MED14: variants seen among roughly 807,000 people sequenced by gnomAD.
MED14 encodes the protein mediator complex subunit 14.
Under a neutral mutation model 109.0 loss-of-function variants are expected in MED14, and 8 were observed. The ratio of observed to expected loss-of-function variants is 0.07; its 90% CI spans 0.04 to 0.13. The LOEUF is 0.13. MED14 is among the 10% of genes least tolerant of loss of function. The probability of loss-of-function intolerance (pLI) is 1.00; values close to 1 mark genes in which losing one functional copy is unlikely to be tolerated. For synonymous variants in MED14, 399 were observed against 408.7 expected (o/e 0.98, Z 0.29); for missense variants, 711 against 1,142.4 (o/e 0.62, Z 5.44).
intron 23 of MED14, among the ~76,000 whole-genome samples, chrX:40,670,492 T>C: frequency 8.9e-6 from 1 of 112,101 alleles, no homozygotes; most frequent in East Asian, 2.8e-4. Flanking sequence ...CCGGGCGCGG[T>C]GGCTCACGCC....
Position 40,681,867 on chromosome X carries a change from G to A in MED14, c.2442C>T (p.Thr814=), listed in dbSNP as rs1401333876. 6 of 1,123,584 alleles carry A rather than the reference G, an allele frequency of 5.3e-6. No individual in the cohort carries two copies. In the African/African-American group the frequency reaches 1.1e-4, roughly 21 times the overall value. 92.6% of individuals were successfully genotyped at this position (1,123,584 alleles called of 1,213,427 possible). A position where few individuals can be genotyped will look rare whatever the true frequency, so the allele number is the denominator to read the frequency against. The change falls in exon 19 of 31, where the codon ACC becomes ACT. Residue 814 remains threonine (T), a synonymous_variant. Coordinates refer to ENST00000324817, the MANE Select transcript of MED14 (RefSeq NM_004229.4). The part of the protein sequence containing the change: ...NYRKLILCYG[T]TKGSSISIQW... ...TCAGACTTACTGAGCTTCCCTTGGTGGTTCCATAACACAAGATAAGTTTTC... is the reference window on the plus strand; with the variant it reads ...TCAGACTTACTGAGCTTCCCTTGGTAGTTCCATAACACAAGATAAGTTTTC...
At chrX:40,658,395 A>T (rs1272009226) in intron 28 of MED14, among the ~76,000 whole-genome samples, 1 of 111,441 alleles carries the variant, frequency 9.0e-6, no homozygotes, top group Non-Finnish European at 1.9e-5. Context: ...CCCGGCCTGC[A>T]CTTCAGTTTT....
rs966057231 is a variant in MED14, at chrX:40,649,799, T to G, written c.*2007A>C. 2.5e-6 allele frequency: 2 copies of G among 808,391 alleles called. No individual in the cohort carries two copies. The highest frequency in any genetic ancestry group is 4.6e-5 in the African/African-American group (2 of 43,597). 66.6% of individuals were successfully genotyped at this position (808,391 alleles called of 1,213,427 possible). A position where few individuals can be genotyped will look rare whatever the true frequency, so the allele number is the denominator to read the frequency against. Reference sequence around the variant, plus strand: ...CCAAGCATAATATAAAAATTCAAATTCATGGGTTTACTCTTAATAAGCATC... The same window carrying G: ...CCAAGCATAATATAAAAATTCAAATGCATGGGTTTACTCTTAATAAGCATC... On this transcript the variant is annotated 3_prime_UTR_variant, in exon 31 of 31. Coordinates refer to ENST00000324817, the MANE Select transcript of MED14 (RefSeq NM_004229.4).
intron 12 of MED14, among the ~76,000 whole-genome samples, chrX:40,697,722 A>G (rs1275297811): frequency 1.8e-5 from 2 of 111,948 alleles, no homozygotes; most frequent in African/African-American, 6.5e-5. Context: ...TATGTAAAAA[A>G]GGGATAAAAT....
At chrX:40,691,803 A>G (rs1930522010) in intron 15 of MED14, among the ~76,000 whole-genome samples, 2 of 104,947 alleles carry the variant, frequency 1.9e-5, no homozygotes, top group Non-Finnish European at 3.9e-5. Flanking sequence ...GTAGAGACAA[A>G]GTTTTACCAT....
chrX:40,680,924 AT>A lies in MED14; in HGVS notation c.2458-15del. On this transcript the variant is annotated splice_polypyrimidine_tract_variant and intron_variant, in intron 19 of 30. Transcript: ENST00000324817. ...TTGGATACTAATCTAAATAAAAAAG[AT>A]TACATGTTTCAGAAACTGAGAAAGT... The A allele has an allele frequency of 9.3e-7, 1 of 1,069,969 alleles. No homozygotes were observed. The highest frequency in any genetic ancestry group is 1.3e-6 in the Non-Finnish European group (1 of 790,520). 88.2% of individuals were successfully genotyped at this position (1,069,969 alleles called of 1,213,427 possible).
intron 5 of MED14, among the ~76,000 whole-genome samples, chrX:40,713,500 T>C (rs1391884957): frequency 1.8e-5 from 2 of 112,487 alleles, no homozygotes; most frequent in Non-Finnish European, 3.8e-5. Flanking sequence ...TGGAGTACAG[T>C]GGTGCAATCT....
rs1048212685 is a variant in MED14 at position 40,650,633 on chromosome X, G to C, written c.*1173C>G. The C allele has an allele frequency of 1.3e-6, 1 of 752,454 alleles. No homozygotes were observed. The highest frequency in any genetic ancestry group is 1.6e-6 in the Non-Finnish European group (1 of 639,021). 62.0% of individuals were successfully genotyped at this position (752,454 alleles called of 1,213,427 possible). The stretch of plus-strand genomic sequence containing the variant: ...CAGTGCTCCAAAAAGAAACCCTGCA[G>C]AGATGTATTAATACCAAAAACTCCA... On this transcript the variant is annotated 3_prime_UTR_variant, in exon 31 of 31. Coordinates refer to ENST00000324817, the MANE Select transcript of MED14 (RefSeq NM_004229.4).
At chrX:40,733,124 T>G (rs1207350945) in intron 1 of MED14, among the ~76,000 whole-genome samples, 2 of 107,930 alleles carry the variant, frequency 1.9e-5, no homozygotes, top group Non-Finnish European at 3.8e-5. Context: ...TTTTTTTTTT[T>G]GAGATAGGAT....
At chrX:40,679,801 C>T in intron 21 of MED14, 63 bp downstream of exon 21, 1 of 1,099,890 alleles carries the variant, frequency 9.1e-7, no homozygotes. Context: ...ATTTCCCCCT[C>T]AAAGAAACTA....
chrX:40,674,157 T>C (rs1054159358), intron 22 of MED14, among the ~76,000 whole-genome samples: 8 of 111,432 alleles, frequency 7.2e-5, no homozygotes, highest in Non-Finnish European at 1.5e-4. Flanking sequence ...AGGGCTAGTA[T>C]CTCATCTGAG....
At chrX:40,697,225 T>A (rs1361819555) in intron 12 of MED14, 42 bp from the exon 13 acceptor site, 1 of 912,655 alleles carries the variant, frequency 1.1e-6, no homozygotes, top group East Asian at 3.1e-5. Flanking sequence ...CTCAGACTTT[T>A]CTGATTATCT....
At chrX:40,733,594 G>A (rs1459306088) in intron 1 of MED14, among the ~76,000 whole-genome samples, 1 of 111,953 alleles carries the variant, frequency 8.9e-6, no homozygotes, top group Admixed American at 9.5e-5. Flanking sequence ...ACCAGCACTT[G>A]GTGGAAGTGT....
chrX:40,680,786 T>C lies in MED14; in HGVS notation c.2582A>G (p.Lys861Arg), dbSNP rs1269718185. The change falls in exon 20 of 31, where the codon AAA (lysine) becomes AGA (arginine). Residue 861 changes from lysine to arginine, a missense_variant. Physicochemically the swap from Lys to Arg is conservative, Grantham distance 26. Coordinates refer to ENST00000324817, the MANE Select transcript of MED14 (RefSeq NM_004229.4). ...ILHQLQEMFN[K>R]TPNVVQLLQV... ...TAATAACTGAACCACATTTGGTGTT[T>C]TGTTGAACATTTCTTGAAGCTGATG... is the stretch of plus-strand genomic sequence containing the variant. 1.7e-6 allele frequency: 2 copies of C among 1,204,836 alleles called. No homozygotes were observed. The highest frequency in any genetic ancestry group is 3.5e-5 in the African/African-American group (2 of 57,105).
intron 1 of MED14, among the ~76,000 whole-genome samples, chrX:40,732,348 ATT>A (rs985497469): frequency 3.6e-5 from 4 of 111,641 alleles, no homozygotes; most frequent in African/African-American, 1.3e-4. Flanking sequence ...GTGAAATCCC[ATT>A]TCTACTAAAA....
intron 1 of MED14, among the ~76,000 whole-genome samples, chrX:40,731,946 C>G (rs1291764472): frequency 8.9e-6 from 1 of 112,387 alleles, no homozygotes; most frequent in Non-Finnish European, 1.9e-5. Context: ...GGGAAAGTCA[C>G]AAACAAATCA....
intron 11 of MED14, among the ~76,000 whole-genome samples, chrX:40,702,340 A>T (rs1387657509): frequency 4.3e-5 from 4 of 93,378 alleles, no homozygotes; most frequent in African/African-American, 1.9e-4. Context: ...GTTAAATATA[A>T]GTTTTGTTTT....
At chrX:40,725,706 G>A (rs749976323) in intron 3 of MED14, among the ~76,000 whole-genome samples, 4 of 111,406 alleles carry the variant, frequency 3.6e-5, no homozygotes, top group African/African-American at 6.5e-5. Flanking sequence ...CATATTTGAC[G>A]GACCCACAGC....
At chrX:40,664,196 T>C in intron 25 of MED14, 111 bp downstream of exon 25, 1 of 691,172 alleles carries the variant, frequency 1.4e-6, no homozygotes, top group Non-Finnish European at 2.1e-6. Context: ...TAATATCCTT[T>C]AAGTATCCTC....
Sources: gnomAD v4.1 joint callset for allele counts (sites outside exome capture counted in the v4.1 genomes callset) on GRCh38, gnomAD v4.1.1 for gene constraint, MANE v1.5 for transcripts, NCBI Gene and HGNC (gene_info 2026-07-23, HGNC 2026-07-21) for gene names.